Variants in POLD3 observed in about 807,000 individuals in gnomAD.
POLD3 encodes the protein DNA polymerase delta 3, accessory subunit.
Under a neutral mutation model 58.2 loss-of-function variants are expected in POLD3, and 19 were observed. The observed-to-expected ratio is 0.33, with a 90% confidence interval of 0.23 to 0.48. POLD3 has a LOEUF of 0.48. POLD3 is among the 20% of genes least tolerant of loss of function. POLD3 has a pLI of 0.99. For missense variants in POLD3, 504 were observed against 545.5 expected (o/e 0.92, Z 0.76); for synonymous variants, 172 against 193.5 (o/e 0.89, Z 0.92).
chr11:74,667,810 A>T (rs557603900), intron 4 of POLD3, among the ~76,000 whole-genome samples: 1 of 152,238 alleles, frequency 6.6e-6, no homozygotes, highest in African/African-American at 2.4e-5. Context: ...ATATTTGCAA[A>T]TCATTTTTCT....
intron 3 of POLD3, among the ~76,000 whole-genome samples, chr11:74,606,300 A>G (rs923040834): frequency 4.6e-5 from 7 of 152,324 alleles, no homozygotes; most frequent in East Asian, 3.9e-4. Context: ...CTGCCTCCAG[A>G]GTTCTGCCAC....
intron 9 of POLD3, among the ~76,000 whole-genome samples, chr11:74,629,724 A>G (rs185497804): frequency 1.1e-4 from 17 of 152,156 alleles, no homozygotes; most frequent in Non-Finnish European, 1.5e-5. Context: ...AACTGGAACA[A>G]CCTACAGTGT....
intron 3 of POLD3, among the ~76,000 whole-genome samples, chr11:74,608,304 A>G (rs969212757): frequency 2.0e-5 from 3 of 152,100 alleles, no homozygotes; most frequent in Non-Finnish European, 2.9e-5. Flanking sequence ...TATTTTTATT[A>G]GAGACGAGGT....
chr11:74,614,227 C>G (rs377185171), intron 5 of POLD3, among the ~76,000 whole-genome samples: 1 of 152,186 alleles, frequency 6.6e-6, no homozygotes, highest in African/African-American at 2.4e-5. Context: ...GTGAAATTAT[C>G]AAAATTGCAT....
chr11:74,655,082 G>A (rs58125537), intron 4 of POLD3, among the ~76,000 whole-genome samples: 4,386 of 152,332 alleles, frequency 0.029, 251 homozygotes, highest in African/African-American at 0.099. Context: ...AGGAAATGCC[G>A]AGGCAGACTT....
At chr11:74,640,092 G>A (rs1479586867) in intron 11 of POLD3, among the ~76,000 whole-genome samples, 1 of 152,142 alleles carries the variant, frequency 6.6e-6, no homozygotes, top group Non-Finnish European at 1.5e-5. Context: ...ACAGAATGGA[G>A]GCAGGCAAAT....
chr11:74,597,223 G>A (rs938467283), intron 2 of POLD3, among the ~76,000 whole-genome samples: 2 of 152,190 alleles, frequency 1.3e-5, no homozygotes, highest in Non-Finnish European at 2.9e-5. Flanking sequence ...CAATGTATAA[G>A]CATTCTGTTT....
chr11:74,609,730 T>G (rs1207708914), intron 3 of POLD3, among the ~76,000 whole-genome samples: 1 of 151,038 alleles, frequency 6.6e-6, no homozygotes, highest in Non-Finnish European at 1.5e-5. Context: ...TTTGCCTCTC[T>G]TTGTTAGATA....
intron 8 of POLD3, 120 bp from the exon 9 acceptor site, chr11:74,629,097 C>T (rs936027891): frequency 2.8e-5 from 17 of 617,862 alleles, no homozygotes; most frequent in Middle Eastern, 2.6e-4. Context: ...ACTATTTGGC[C>T]GTCCTTTTCT....
At chr11:74,626,079 C>A (rs1239986015) in intron 8 of POLD3, among the ~76,000 whole-genome samples, 1 of 152,136 alleles carries the variant, frequency 6.6e-6, no homozygotes, top group Non-Finnish European at 1.5e-5. Context: ...ATTGGAGACA[C>A]TACCTCATAG....
At chr11:74,607,887 T>G (rs927626699) in intron 3 of POLD3, among the ~76,000 whole-genome samples, 2 of 152,212 alleles carry the variant, frequency 1.3e-5, no homozygotes, top group Non-Finnish European at 2.9e-5. Context: ...AGTGAGCCAC[T>G]GTGCCTGGCC....
chr11:74,666,801 A>G (rs867028515), intron 4 of POLD3, among the ~76,000 whole-genome samples: 1 of 152,162 alleles, frequency 6.6e-6, no homozygotes, highest in Non-Finnish European at 1.5e-5. Context: ...AAAGAAGAAC[A>G]AAAGTGGAGA....
At chr11:74,623,998 G>T (rs2032348980) in intron 7 of POLD3, among the ~76,000 whole-genome samples, 3 of 152,200 alleles carry the variant, frequency 2.0e-5, no homozygotes, top group African/African-American at 7.2e-5. Context: ...TCAGTTTTCT[G>T]TAATTGGTAA....
chr11:74,625,704 A>G (rs1320023926), intron 8 of POLD3, 131 bp downstream of exon 8: 3 of 643,364 alleles, frequency 4.7e-6, no homozygotes, highest in South Asian at 2.8e-5. Context: ...ATACAACTAT[A>G]CAACCAAAAT....
chr11:74,622,369 GGGAAA>G (rs1266298636), intron 7 of POLD3, among the ~76,000 whole-genome samples: 1 of 151,996 alleles, frequency 6.6e-6, no homozygotes, highest in East Asian at 1.9e-4. Context: ...AAAAAATAAA[GGGAAA>G]GGAAAGAAAG....
chr11:74,622,305 A>G (rs937887959), intron 7 of POLD3, among the ~76,000 whole-genome samples: 2 of 152,026 alleles, frequency 1.3e-5, no homozygotes, highest in African/African-American at 2.4e-5. Flanking sequence ...AGTCTTTGCT[A>G]TTGTGAATAG....
intron 2 of POLD3, among the ~76,000 whole-genome samples, chr11:74,598,576 G>A (rs958228323): frequency 4.6e-5 from 7 of 152,176 alleles, no homozygotes; most frequent in Non-Finnish European, 1.0e-4. Context: ...TGGCATCCCC[G>A]CTGGAAAGTC....
chr11:74,635,710 A>G (rs2032728455), intron 10 of POLD3, among the ~76,000 whole-genome samples: 2 of 152,190 alleles, frequency 1.3e-5, no homozygotes, highest in Admixed American at 1.3e-4. Flanking sequence ...AAAAGAAGAC[A>G]AGAAATGTGA....
rs995305122 is a variant in POLD3, at chr11:74,641,215, T to C, written c.*449T>C. On this transcript the variant is annotated 3_prime_UTR_variant, in exon 12 of 12. Transcript: ENST00000263681. ...TTCTGCTGGATACGTTTACCCCTCTTGTCTTCCTGCAGTACCACACTTCTG... is the reference window on the plus strand; with the variant it reads ...TTCTGCTGGATACGTTTACCCCTCTCGTCTTCCTGCAGTACCACACTTCTG... 3 of 985,596 alleles carry C rather than the reference T, an allele frequency of 3.0e-6. No homozygotes were observed. In the African/African-American group the frequency reaches 5.2e-5, roughly 17 times the overall value. The allele number at this position is 985,596 out of a possible 1,614,324, so 61.1% of individuals were successfully genotyped here.
Sources: gnomAD v4.1 joint callset for allele counts (sites outside exome capture counted in the v4.1 genomes callset) on GRCh38, gnomAD v4.1.1 for gene constraint, MANE v1.5 for transcripts, NCBI Gene and HGNC (gene_info 2026-07-23, HGNC 2026-07-21) for gene names.